PRKN: variants seen among roughly 807,000 people sequenced by gnomAD.
PRKN encodes parkin RBR E3 ubiquitin protein ligase.
PRKN carries 56 observed loss-of-function variants against 59.5 expected under a neutral mutation model. That is an observed-to-expected ratio of 0.94 (90% CI 0.76 to 1.18). The LOEUF is 1.18. Ranked by LOEUF, PRKN falls within the 50% of genes most tolerant of loss-of-function variation. PRKN has a pLI of 0.00. For missense variants in PRKN, 657 were observed against 596.4 expected, an observed-to-expected ratio of 1.10 and a Z score of -1.06; for synonymous variants, 250 against 222.1, an observed-to-expected ratio of 1.13 and a Z score of -1.12.
chr6:162,453,834 T>A (rs1410553047), intron 1 of PRKN, among the ~76,000 whole-genome samples: 2 of 151,164 alleles, frequency 1.3e-5, no homozygotes, highest in African/African-American at 4.9e-5. Flanking sequence ...ACCCAGGAGG[T>A]GGAGGTTGCA....
chr6:162,499,523 T>C (rs1434295621), intron 1 of PRKN, among the ~76,000 whole-genome samples: 1 of 152,210 alleles, frequency 6.6e-6, no homozygotes, highest in African/African-American at 2.4e-5. Flanking sequence ...ACATATTTAC[T>C]GACGACTGAA....
intron 1 of PRKN, among the ~76,000 whole-genome samples, chr6:162,663,413 A>T (rs1778970839): frequency 6.6e-6 from 1 of 152,148 alleles, no homozygotes; most frequent in South Asian, 2.1e-4. Context: ...ACAGGAAAAA[A>T]AAAAAAAGGA....
chr6:161,472,850 T>C (rs1790861392), intron 9 of PRKN, among the ~76,000 whole-genome samples: 1 of 152,092 alleles, frequency 6.6e-6, no homozygotes. Flanking sequence ...AGAGCCTGAA[T>C]AGACATTTCT....
chr6:162,452,029 G>A (rs1054626630), intron 1 of PRKN, among the ~76,000 whole-genome samples: 1 of 152,106 alleles, frequency 6.6e-6, no homozygotes, highest in African/African-American at 2.4e-5. Context: ...TTAAAATGAT[G>A]TAATTAAGGG....
chr6:162,437,566 G>C (rs545575699), intron 2 of PRKN, among the ~76,000 whole-genome samples: 1 of 152,066 alleles, frequency 6.6e-6, no homozygotes, highest in Non-Finnish European at 1.5e-5. Context: ...TTTCACAGTC[G>C]TACCCTCCTC....
intron 4 of PRKN, among the ~76,000 whole-genome samples, chr6:162,077,964 G>A (rs1222447372): frequency 7.0e-6 from 1 of 142,064 alleles, no homozygotes; most frequent in African/African-American, 2.7e-5. Context: ...TCACACCACT[G>A]CACAGCAGCC....
At chr6:162,060,629 A>G (rs982924664) in intron 4 of PRKN, among the ~76,000 whole-genome samples, 1 of 152,230 alleles carries the variant, frequency 6.6e-6, no homozygotes, top group Admixed American at 6.5e-5. Context: ...TGACTATTTC[A>G]TATCCAAATA....
At chr6:161,871,943 T>C (rs543201462) in intron 6 of PRKN, among the ~76,000 whole-genome samples, 80 of 152,336 alleles carry the variant, frequency 5.3e-4, no homozygotes, top group South Asian at 1.7e-3. Context: ...TGGGGCACTT[T>C]AATAATCCTC....
intron 9 of PRKN, among the ~76,000 whole-genome samples, chr6:161,406,557 T>G (rs931707684): frequency 6.6e-5 from 10 of 152,148 alleles, no homozygotes; most frequent in Admixed American, 2.6e-4. Context: ...CCACAGGATT[T>G]TGAGTGCAAT....
At chr6:162,592,882 G>A (rs1444722408) in intron 1 of PRKN, among the ~76,000 whole-genome samples, 1 of 151,494 alleles carries the variant, frequency 6.6e-6, no homozygotes, top group Admixed American at 6.6e-5. Context: ...AATGTAATGC[G>A]ATCTCAGAAT....
At chr6:162,017,589 A>G (rs79132184) in intron 5 of PRKN, among the ~76,000 whole-genome samples, 44,749 of 151,892 alleles carry the variant, frequency 0.29, 6,916 homozygotes, top group African/African-American at 0.4. Context: ...TTGAAAAACC[A>G]TGGTTTAACA....
chr6:162,675,366 A>G (rs1380340540), intron 1 of PRKN, among the ~76,000 whole-genome samples: 1 of 151,998 alleles, frequency 6.6e-6, no homozygotes, highest in African/African-American at 2.4e-5. Context: ...AAATAGATTG[A>G]ATTTGAGGTA....
intron 1 of PRKN, among the ~76,000 whole-genome samples, chr6:162,527,643 A>T (rs1023853404): frequency 5.9e-5 from 9 of 152,184 alleles, no homozygotes; most frequent in Non-Finnish European, 1.0e-4. Flanking sequence ...CGAATAAAAA[A>T]CAAATCTGCT....
intron 7 of PRKN, among the ~76,000 whole-genome samples, chr6:161,595,091 T>G (rs1206740708): frequency 2.0e-5 from 3 of 152,246 alleles, no homozygotes; most frequent in Admixed American, 2.0e-4. Flanking sequence ...ACCTACAATG[T>G]AATTGTTGAC....
chr6:161,749,879 A>T (rs894105896), intron 7 of PRKN, among the ~76,000 whole-genome samples: 4 of 152,172 alleles, frequency 2.6e-5, no homozygotes, highest in Non-Finnish European at 5.9e-5. Flanking sequence ...TGACAGTCAG[A>T]GTACTTTAAA....
intron 6 of PRKN, among the ~76,000 whole-genome samples, chr6:161,813,061 T>C (rs1190451540): frequency 6.6e-6 from 1 of 152,184 alleles, no homozygotes; most frequent in African/African-American, 2.4e-5. Context: ...GCTTGTTTAT[T>C]CAAAAGATAA....
chr6:162,211,199 C>A (rs181216611), intron 3 of PRKN, among the ~76,000 whole-genome samples: 1 of 152,274 alleles, frequency 6.6e-6, no homozygotes, highest in Non-Finnish European at 1.5e-5. Context: ...ACACACAGAT[C>A]GGCAATTATG....
At chr6:162,206,404 A>T (rs1455124472) in intron 3 of PRKN, among the ~76,000 whole-genome samples, 1 of 152,182 alleles carries the variant, frequency 6.6e-6, no homozygotes, top group Admixed American at 6.5e-5. Context: ...GCTACTGATA[A>T]GGAGCTGCTG....
Position 161,454,596 on chromosome 6 carries a change from C to T in PRKN, c.1084-67719G>A, listed in dbSNP as rs921022127. Among the ~76,000 whole-genome samples the T allele has an allele frequency of 3.3e-5, 5 of 152,152 alleles. No individual in the cohort carries two copies. Among genetic ancestry groups the T allele is most frequent in the African/African-American group, 1.2e-4 (5 of 41,426 alleles). On this transcript the variant is annotated intron_variant, in intron 9 of 11. Coordinates refer to ENST00000366898, the MANE Select transcript of PRKN (RefSeq NM_004562.3). This position sits in a 1 kb window ranked among gnomAD's most constrained non-coding sequence, Gnocchi z 4.6. The stretch of plus-strand genomic sequence containing the variant: ...GTTTTGAAACTGTTAGTTCTTGGAG[C>T]AAGCCCAAGTTTATTTTGGGGGAAC...
Sources: allele counts gnomAD v4.1 joint callset (sites outside exome capture counted in the v4.1 genomes callset), GRCh38; gene constraint gnomAD v4.1.1; non-coding constraint Gnocchi (gnomAD v3.1); transcripts MANE v1.5; gene names NCBI Gene and HGNC (gene_info 2026-07-23, HGNC 2026-07-21).